The following COL28A1 variants were observed in gnomAD, a reference collection of about 807,000 sequenced individuals.
COL28A1 encodes collagen alpha-1(XXVIII) chain.
COL28A1 carries 161 observed loss-of-function variants against 150.2 expected under a neutral mutation model. The observed-to-expected ratio is 1.07, with a 90% CI of 0.94 to 1.22. The LOEUF is 1.22. COL28A1 is among the 50% of genes most tolerant of loss of function. The probability of loss-of-function intolerance (pLI) is 0.00; values close to 1 mark genes in which losing one functional copy is unlikely to be tolerated. For synonymous variants in COL28A1, 552 were observed against 469.7 expected, an observed-to-expected ratio of 1.18 and a Z score of -2.26; for missense variants, 1,617 against 1,388.3, an observed-to-expected ratio of 1.16 and a Z score of -2.62.
At chr7:7,519,344 A>C (rs79829318) in intron 6 of COL28A1, among the ~76,000 whole-genome samples, 2,320 of 152,338 alleles carry the variant, frequency 0.015, 29 homozygotes, top group Non-Finnish European at 0.024. Context: ...CTCCCACCAC[A>C]TGTGGGAATC....
intron 15 of COL28A1, among the ~76,000 whole-genome samples, chr7:7,461,536 T>C (rs1309594392): frequency 6.6e-6 from 1 of 152,152 alleles, no homozygotes; most frequent in Non-Finnish European, 1.5e-5. Flanking sequence ...AGACTCAGTG[T>C]TGTTGGGAGG....
chr7:7,362,613 A>T (rs957494444), intron 33 of COL28A1, among the ~76,000 whole-genome samples: 4 of 151,788 alleles, frequency 2.6e-5, no homozygotes, highest in African/African-American at 4.8e-5. Flanking sequence ...TAGAGCAAAG[A>T]TTTTTCCATT....
intron 27 of COL28A1, among the ~76,000 whole-genome samples, chr7:7,404,888 A>G (rs1783409273): frequency 2.0e-5 from 3 of 151,986 alleles, no homozygotes; most frequent in Admixed American, 1.3e-4. Context: ...TTACTATTTT[A>G]TTTTAATTTT....
intron 13 of COL28A1, 54 bp downstream of exon 13, chr7:7,489,335 C>A (rs1779793033): frequency 2.3e-6 from 2 of 865,252 alleles, no homozygotes; most frequent in African/African-American, 1.6e-5. Flanking sequence ...ACAGAAAGAA[C>A]AAGTAAAAAC....
intron 21 of COL28A1, among the ~76,000 whole-genome samples, chr7:7,439,025 T>C (rs1022566132): frequency 3.3e-5 from 5 of 152,204 alleles, no homozygotes; most frequent in Non-Finnish European, 7.3e-5. Context: ...CTATGCTATG[T>C]CTAAACATGA....
intron 8 of COL28A1, among the ~76,000 whole-genome samples, chr7:7,513,564 T>C (rs973372102): frequency 6.6e-6 from 1 of 152,212 alleles, no homozygotes; most frequent in African/African-American, 2.4e-5. Flanking sequence ...AGCTTTCACT[T>C]AGAACAAGTT....
At chr7:7,363,581 A>C (rs1484473928) in intron 33 of COL28A1, among the ~76,000 whole-genome samples, 1 of 152,172 alleles carries the variant, frequency 6.6e-6, no homozygotes, top group Non-Finnish European at 1.5e-5. Context: ...AAAAAAAGAA[A>C]ACAGAAATCA....
chr7:7,377,823 A>AAC (rs71010976), intron 30 of COL28A1, among the ~76,000 whole-genome samples: 4 of 150,342 alleles, frequency 2.7e-5, no homozygotes, highest in Non-Finnish European at 5.9e-5. Flanking sequence ...AAAAAAAAAA[A>AAC]CCAGACATCA....
chr7:7,471,286 T>C (rs1048274998), intron 15 of COL28A1, among the ~76,000 whole-genome samples: 16 of 152,052 alleles, frequency 1.1e-4, no homozygotes, highest in Non-Finnish European at 2.1e-4. Flanking sequence ...AACAAAATTC[T>C]ACCAGACATT....
chr7:7,360,583 C>T, intron 33 of COL28A1, 55 bp from the exon 34 acceptor site: 1 of 1,533,270 alleles, frequency 6.5e-7, no homozygotes, highest in Non-Finnish European at 8.8e-7. Context: ...AAAAAAAATA[C>T]TAGTTTGCTT....
At chr7:7,374,038 A>AAAAAAAAAAAAAAAAAAT in intron 31 of COL28A1, among the ~76,000 whole-genome samples, 9 of 113,624 alleles carry the variant, frequency 7.9e-5, no homozygotes, top group African/African-American at 3.4e-4. Context: ...AAAAAAAAAA[A>AAAAAAAAAAAAAAAAAAT]ATATATATAT....
intron 27 of COL28A1, among the ~76,000 whole-genome samples, chr7:7,384,957 C>A (rs1296104): frequency 0.84 from 127,551 of 152,098 alleles, 54,010 homozygotes; most frequent in East Asian, 1. Context: ...CATGAGGCTC[C>A]CTGCAAAACA....
In COL28A1 at chr7:7,478,952, C is replaced by T. The variant is rs141561912; in HGVS notation, c.1165-1772G>A. On this transcript the variant is annotated intron_variant, in intron 13 of 34. Coordinates refer to ENST00000399429, the MANE Select transcript of COL28A1 (RefSeq NM_001037763.3). ...ACACCTCCCCGCAGGCTGAGGGAGC[C>T]GGCTCAGCCCTCGGCCATCCCAGGA... is the stretch of plus-strand genomic sequence containing the variant. Among the ~76,000 whole-genome samples, 905 of 152,354 alleles carry T rather than the reference C, an allele frequency of 5.9e-3. 3 individuals are homozygous for T. Among genetic ancestry groups the T allele is most frequent in the South Asian group, 0.019 (90 of 4,830 alleles).
chr7:7,366,967 TGTGTGTG>T (rs1291374539), intron 33 of COL28A1, among the ~76,000 whole-genome samples: 1 of 152,026 alleles, frequency 6.6e-6, no homozygotes, highest in Non-Finnish European at 1.5e-5. Flanking sequence ...ATACTATGTG[TGTGTGTG>T]TGCGCGCGTG....
At chr7:7,532,027 A>G (rs1024614389) in intron 2 of COL28A1, 123 bp from the exon 3 acceptor site, 1 of 602,528 alleles carries the variant, frequency 1.7e-6, no homozygotes. Context: ...TGAGGAGAGA[A>G]AGAGAGACAC....
chr7:7,493,299 T>G, intron 11 of COL28A1, among the ~76,000 whole-genome samples: 1 of 152,110 alleles, frequency 6.6e-6, no homozygotes, highest in Admixed American at 6.6e-5. Context: ...TTGGTACTTA[T>G]CTGATGTTTG....
At position 7,380,712 on chromosome 7, in the gene COL28A1, G is replaced by A. The variant is rs942665036; in HGVS notation, c.2287-17C>T. ...TTGTAAACCCTACTTAGTGGAAGAA[G>A]AGTAAAAGTCAATATAGGTTGGAAC... On this transcript the variant is annotated splice_polypyrimidine_tract_variant and intron_variant, in intron 29 of 34. Transcript: ENST00000399429. 1.2e-6 allele frequency: 2 copies of A among 1,613,378 alleles called. No homozygotes were observed. The highest frequency in any genetic ancestry group is 2.7e-5 in the African/African-American group (2 of 74,896).
At chr7:7,383,426 G>C (rs923590402) in intron 27 of COL28A1, among the ~76,000 whole-genome samples, 13 of 151,642 alleles carry the variant, frequency 8.6e-5, no homozygotes, top group African/African-American at 3.1e-4. Context: ...TTACAGGTGT[G>C]TGCCACTATG....
chr7:7,458,452 AAAAC>A (rs776014029), intron 15 of COL28A1, among the ~76,000 whole-genome samples: 6 of 152,018 alleles, frequency 3.9e-5, no homozygotes, highest in East Asian at 3.9e-4. Context: ...ACAAACAAAA[AAAAC>A]AAACAAAAAG....
Sources: gnomAD v4.1 joint callset for allele counts (sites outside exome capture counted in the v4.1 genomes callset) on GRCh38, gnomAD v4.1.1 for gene constraint, MANE v1.5 for transcripts, NCBI Gene and HGNC (gene_info 2026-07-23, HGNC 2026-07-21) for gene names.